Variants in AZIN2 observed in about 807,000 individuals in gnomAD.
The protein encoded by AZIN2 is ODC antizyme inhibitor-2.
A neutral mutation model predicts 47.8 loss-of-function variants in AZIN2; 28 were observed. The ratio of observed to expected loss-of-function variants is 0.59; its 90% CI spans 0.43 to 0.80. The LOEUF is 0.80. AZIN2 is among the 30% of genes least tolerant of loss of function. AZIN2 has a pLI of 0.00. For synonymous variants in AZIN2, 221 were observed against 239.4 expected (o/e 0.92, Z 0.71); for missense variants, 535 against 582.5 (o/e 0.92, Z 0.84).
At chr1:33,096,284 G>T (rs2124547405) in intron 8 of AZIN2, among the ~76,000 whole-genome samples, 1 of 152,342 alleles carries the variant, frequency 6.6e-6, no homozygotes, top group East Asian at 1.9e-4. Context: ...AGGAGGGCTT[G>T]GTCTTGCTGT....
the AZIN2 span, among the ~76,000 whole-genome samples, chr1:33,155,113 C>T: frequency 1.4e-5 from 2 of 145,094 alleles, no homozygotes; most frequent in East Asian, 2.2e-4. Context: ...GCTCTGTCGC[C>T]CAGGCTGTAG....
chr1:33,136,731 G>A, the AZIN2 span, among the ~76,000 whole-genome samples: 2 of 151,706 alleles, frequency 1.3e-5, no homozygotes, highest in African/African-American at 4.8e-5. Context: ...CGGGCACGGT[G>A]GCTCACGCCC....
intron 10 of AZIN2, among the ~76,000 whole-genome samples, chr1:33,106,437 A>T (rs1644010836): frequency 6.6e-6 from 1 of 152,182 alleles, no homozygotes; most frequent in African/African-American, 2.4e-5. Flanking sequence ...CAATTACCTT[A>T]ACACCAAAGC....
At chr1:33,108,052 C>G (rs1472502285) in intron 10 of AZIN2, among the ~76,000 whole-genome samples, 1 of 152,172 alleles carries the variant, frequency 6.6e-6, no homozygotes, top group Non-Finnish European at 1.5e-5. Context: ...CTGGAGGCAT[C>G]ACATTATCTG....
At chr1:33,102,624 A>C (rs1043752833) in intron 10 of AZIN2, among the ~76,000 whole-genome samples, 5 of 151,880 alleles carry the variant, frequency 3.3e-5, no homozygotes, top group Non-Finnish European at 7.4e-5. Context: ...TCTCCTGCTC[A>C]CCCTTTAAGT....
At chr1:33,090,277 C>T (rs1399954001) in intron 5 of AZIN2, among the ~76,000 whole-genome samples, 1 of 152,202 alleles carries the variant, frequency 6.6e-6, no homozygotes, top group Non-Finnish European at 1.5e-5. Context: ...ATGCTAACAC[C>T]CGATGTAAAC....
At chr1:33,091,446 C>T (rs1642542214) in intron 5 of AZIN2, among the ~76,000 whole-genome samples, 1 of 152,142 alleles carries the variant, frequency 6.6e-6, no homozygotes, top group African/African-American at 2.4e-5. Context: ...TGCCATGTTT[C>T]CCAGGCTGGT....
At chr1:33,157,404 G>A in the AZIN2 span, among the ~76,000 whole-genome samples, 2 of 151,998 alleles carry the variant, frequency 1.3e-5, no homozygotes, top group African/African-American at 2.4e-5. Context: ...TTCAGCCCTT[G>A]ACTCTAATGC....
At chr1:33,114,053 A>T (rs1172762175) in intron 10 of AZIN2, among the ~76,000 whole-genome samples, 1 of 151,880 alleles carries the variant, frequency 6.6e-6, no homozygotes, top group Non-Finnish European at 1.5e-5. Flanking sequence ...GATTTTGGCC[A>T]TAGGGTTTTT....
chr1:33,128,589 C>T, the AZIN2 span, among the ~76,000 whole-genome samples: 97 of 152,346 alleles, frequency 6.4e-4, no homozygotes, highest in Admixed American at 2.4e-3. Context: ...GCCCCACCCT[C>T]TTCCTGTGTC....
the AZIN2 span, among the ~76,000 whole-genome samples, chr1:33,151,288 C>T: frequency 1.3e-5 from 2 of 152,030 alleles, no homozygotes; most frequent in African/African-American, 2.4e-5. Context: ...CTCACTGGGC[C>T]GGCCTAGGGG....
At chr1:33,133,801 C>T in the AZIN2 span, among the ~76,000 whole-genome samples, 1 of 152,208 alleles carries the variant, frequency 6.6e-6, no homozygotes, top group African/African-American at 2.4e-5. Context: ...AAAAAGCAGG[C>T]TGAGAGGCAA....
At chr1:33,162,056 C>T in the AZIN2 span, among the ~76,000 whole-genome samples, 1,669 of 152,266 alleles carry the variant, frequency 0.011, 36 homozygotes, top group African/African-American at 0.038. Flanking sequence ...CTCTGGGGTC[C>T]CACAGGTCTT....
chr1:33,145,925 A>G, the AZIN2 span: 1 of 471,024 alleles, frequency 2.1e-6, no homozygotes, highest in Non-Finnish European at 4.4e-6. Context: ...AGTTCCCCCA[A>G]ACAGAATCTC....
chr1:33,093,508 C>T lies in AZIN2; in HGVS notation c.587+92C>T, dbSNP rs74064965. The T allele has an allele frequency of 1.9e-3, 2,771 of 1,476,060 alleles. 48 individuals carry two copies. In the African/African-American group the frequency reaches 0.034, roughly 18 times the overall value. The allele number at this position is 1,476,060 out of a possible 1,614,324, so 91.4% of individuals were successfully genotyped here. On this transcript the variant is annotated intron_variant, in intron 7 of 11. Transcript: ENST00000294517. ...TTCTATATGAGACCTTCCCCAGGGC[C>T]TCTGAGTAGGGCCTGTCCCTGGGCC...
At chr1:33,156,282 CTCCTT>C in the AZIN2 span, among the ~76,000 whole-genome samples, 4 of 152,230 alleles carry the variant, frequency 2.6e-5, no homozygotes, top group African/African-American at 9.6e-5. Context: ...CGCTTGAAAA[CTCCTT>C]TAAAGCATTG....
chr1:33,126,020 T>A (rs1184465987), downstream of AZIN2, among the ~76,000 whole-genome samples: 2 of 152,178 alleles, frequency 1.3e-5, no homozygotes, highest in Non-Finnish European at 2.9e-5. Context: ...AAAAAAACTG[T>A]AACATTTCCA....
chr1:33,143,146 T>C, the AZIN2 span: 1 of 152,204 alleles, frequency 6.6e-6, no homozygotes. Context: ...CCCAGATTCT[T>C]TCCTTCAGGA....
chr1:33,089,711 C>T (rs1271814450), intron 5 of AZIN2, among the ~76,000 whole-genome samples: 1 of 152,204 alleles, frequency 6.6e-6, no homozygotes, highest in Non-Finnish European at 1.5e-5. Context: ...TCACTGAACT[C>T]AATTTTGTCC....
Sources: allele counts gnomAD v4.1 joint callset (sites outside exome capture counted in the v4.1 genomes callset), GRCh38; gene constraint gnomAD v4.1.1; transcripts MANE v1.5; gene names NCBI Gene and HGNC (gene_info 2026-07-23, HGNC 2026-07-21).